The following TRIM46 variants were observed in gnomAD, a reference collection of about 807,000 sequenced individuals.
TRIM46 encodes tripartite motif containing 46.
Under a neutral mutation model 69.7 loss-of-function variants are expected in TRIM46, and 17 were observed. The ratio of observed to expected loss-of-function variants is 0.24; its 90% CI spans 0.17 to 0.37. TRIM46 has a LOEUF of 0.37. Ranked by LOEUF, TRIM46 falls within the 10% of genes least tolerant of loss-of-function variation. The pLI is 1.00. For missense variants in TRIM46, 675 were observed against 1,025.1 expected (o/e 0.66, Z 4.66); for synonymous variants, 391 against 429.0 (o/e 0.91, Z 1.09).
In TRIM46 at chr1:155,182,099, G is replaced by A. The variant is rs1264521007; in HGVS notation, c.1836G>A (p.Glu612=). The A allele has an allele frequency of 1.2e-6, 2 of 1,614,228 alleles. No homozygotes were observed. The highest frequency in any genetic ancestry group is 1.7e-6 in the Non-Finnish European group (2 of 1,180,040). Reference sequence around the variant, plus strand: ...TGGTCAAGGTGGGCGTCGGGCTGGAGAGCAAGCTTCAAGAAAGTTTCCAGG... The same window carrying A: ...TGGTCAAGGTGGGCGTCGGGCTGGAAAGCAAGCTTCAAGAAAGTTTCCAGG... The part of the protein sequence containing the change: ...SYLVKVGVGL[E]SKLQESFQGA... The change falls in exon 9 of 10, where the codon GAG becomes GAA. Residue 612 remains glutamate, a synonymous_variant. Transcript: ENST00000334634.
intron 7 of TRIM46, 27 bp downstream of exon 7, chr1:155,178,640 C>T (rs767193360): frequency 6.2e-7 from 1 of 1,608,898 alleles, no homozygotes; most frequent in Admixed American, 1.7e-5. Context: ...GCCCCATGCC[C>T]AACCAGAGCC....
At position 155,175,343 on chromosome 1, in the gene TRIM46, C is replaced by T. The variant is rs773964803; in HGVS notation, c.64-43C>T. ...CAGCCAAGGGGCTGCTGAGGTATGCCTAAGTGTCCAAGCGCTGACCTAGCC... is the reference window on the plus strand; with the variant it reads ...CAGCCAAGGGGCTGCTGAGGTATGCTTAAGTGTCCAAGCGCTGACCTAGCC... On this transcript the variant is annotated intron_variant, in intron 1 of 9. Transcript: ENST00000334634. The surrounding 1 kb of genome is among the most constrained non-coding windows in gnomAD (Gnocchi z 4.2). The T allele has an allele frequency of 1.4e-5, 23 of 1,609,200 alleles. No homozygotes were observed. In the African/African-American group the frequency reaches 2.8e-4, roughly 20 times the overall value.
At position 155,179,610 on chromosome 1, in the gene TRIM46, C is replaced by T. The variant is rs1665981843; in HGVS notation, c.1286-22C>T. ...AGGCCAGTGGCCAGGCCCTGACTGACACCCGCTGTCTCTTCCAACAGTGCC... is the reference window on the plus strand; with the variant it reads ...AGGCCAGTGGCCAGGCCCTGACTGATACCCGCTGTCTCTTCCAACAGTGCC... On this transcript the variant is annotated intron_variant, in intron 7 of 9. Transcript: ENST00000334634. 2.6e-6 allele frequency: 4 copies of T among 1,568,194 alleles called. No individual in the cohort carries two copies. In the African/African-American group the frequency reaches 4.0e-5, roughly 16 times the overall value.
At chr1:155,183,695 A>G (rs1358694198) in intron 9 of TRIM46, 102 bp from the exon 10 acceptor site, 8 of 1,482,536 alleles carry the variant, frequency 5.4e-6, no homozygotes, top group African/African-American at 1.4e-5. Context: ...CATCCCTTCA[A>G]CCTCTTGCTC....
intron 5 of TRIM46, among the ~76,000 whole-genome samples, chr1:155,177,525 ATAGCTCAAAAAACCCCACGCG>A (rs973808035): frequency 2.0e-5 from 3 of 151,444 alleles, no homozygotes; most frequent in African/African-American, 4.9e-5. Flanking sequence ...AACCCCATGC[ATAGCTCAAAAAACCCCACGCG>A]TAGCTCAGAT....
At chr1:155,178,739 T>TTGGGGCCCCCC in intron 7 of TRIM46, 126 bp downstream of exon 7, 32 of 1,348,408 alleles carry the variant, frequency 2.4e-5, no homozygotes, top group Non-Finnish European at 3.1e-5. Flanking sequence ...CAGCCATTCC[T>TTGGGGCCCCCC]CCCACCCAGC....
chr1:155,179,973 G>T (rs774415996), intron 8 of TRIM46, 39 bp downstream of exon 8: 1 of 1,539,130 alleles, frequency 6.5e-7, no homozygotes, highest in South Asian at 1.3e-5. Context: ...AAAGGGCATG[G>T]GGTATGCCAG....
Position 155,181,019 on chromosome 1 carries a change from G to A in TRIM46, c.1589-833G>A, listed in dbSNP as rs1211256741. Among the ~76,000 whole-genome samples the A allele has an allele frequency of 1.3e-5, 2 of 152,146 alleles. No individual in the cohort carries two copies. Among genetic ancestry groups the A allele is most frequent in the African/African-American group, 4.8e-5 (2 of 41,424 alleles). On this transcript the variant is annotated intron_variant, in intron 8 of 9. Transcript: ENST00000334634. This position sits in a 1 kb window ranked among gnomAD's most constrained non-coding sequence, Gnocchi z 4.3. ...GGAGGCCGAGGTGGATGGATCACGA[G>A]GTCAGGCGTTCAAGACCAGCCTGGC... is the stretch of plus-strand genomic sequence containing the variant.
At chr1:155,179,576 C>T in intron 7 of TRIM46, 56 bp from the exon 8 acceptor site, 1 of 1,517,372 alleles carries the variant, frequency 6.6e-7, no homozygotes, top group Non-Finnish European at 8.9e-7. Context: ...TGCCCCTGCC[C>T]TCCATGCCAG....
At position 155,183,940 on chromosome 1, in the gene TRIM46, A is replaced by T. The variant is rs755306526; in HGVS notation, c.2030A>T (p.Asp677Val). The T allele has an allele frequency of 1.7e-5, 27 of 1,613,754 alleles. No homozygotes were observed. Among genetic ancestry groups the T allele is most frequent in the Non-Finnish European group, 2.3e-5 (27 of 1,180,014 alleles). ...TCAAACGCAGGGCTGACAGGGAGGG[A>T]TGGCCCCACAGCCGGCTGCACAGTG... ...ASSNAGLTGR[D>V]GPTAGCTVPL... Residue 677 changes from aspartate (D) to valine (V), a missense_variant, in exon 10 of 10, where the codon GAT (aspartate) becomes GTT (valine). This residue lies in a region of TRIM46 where 108 missense variants were observed against 153.0 expected (regional missense o/e 0.71). Transcript: ENST00000334634.
At chr1:155,176,860 C>G in intron 3 of TRIM46, 72 bp from the exon 4 acceptor site, 2 of 1,564,412 alleles carry the variant, frequency 1.3e-6, no homozygotes, top group African/African-American at 2.7e-5. Flanking sequence ...GGGCACCAAA[C>G]TGCTGTAGTG....
chr1:155,180,856 G>GC (rs74914848), intron 8 of TRIM46, among the ~76,000 whole-genome samples: 1,819 of 152,300 alleles, frequency 0.012, 99 homozygotes, highest in Admixed American at 0.087. Flanking sequence ...GTTGCGGTGA[G>GC]CCGAGATCGC....
rs1665854152 is a variant in TRIM46, at chr1:155,178,351, C to T, written c.1163+96C>T. On this transcript the variant is annotated intron_variant, in intron 6 of 9. Coordinates refer to ENST00000334634, the MANE Select transcript of TRIM46 (RefSeq NM_025058.5). ...ACAGTACTGCCAGGTGGAGAACTGG[C>T]ATTCTAAGGATTCTCATGAGGCCAA... 1.9e-6 allele frequency: 3 copies of T among 1,558,524 alleles called. No homozygotes were observed. The East Asian group carries it at 6.8e-5, about 35-fold the overall frequency.
chr1:155,178,247 G>T lies in TRIM46; in HGVS notation c.1155G>T (p.Leu385=). 1 of 1,601,244 alleles carries T rather than the reference G, an allele frequency of 6.2e-7. No homozygotes were observed. Among genetic ancestry groups the T allele is most frequent in the African/African-American group, 1.3e-5 (1 of 74,790 alleles). ...GCTTTGTGCAAGCCGCCAAGCAGCT[G>T]CACAACAGGTACTCAGGGGCATGGG... The part of the protein sequence containing the change: ...QPCFVQAAKQ[L]HNRIARATEA... The change falls in exon 6 of 10, where the codon CTG becomes CTT. Residue 385 remains leucine, a synonymous_variant. Transcript: ENST00000334634.
rs1463733408 is a variant in TRIM46 at position 155,177,065 on chromosome 1, A to G, written c.803A>G (p.Gln268Arg). The G allele has an allele frequency of 1.9e-6, 3 of 1,612,802 alleles. No homozygotes were observed. The highest frequency in any genetic ancestry group is 2.5e-6 in the Non-Finnish European group (3 of 1,178,844). ...HKITPVLSAY[Q>R]ALKDKLTKSL... ...ATCACACCAGTGCTCAGTGCCTACC[A>G]GGCCCTCAAGGTAAGGACCCCCCTT... is the stretch of plus-strand genomic sequence containing the variant. Residue 268 changes from glutamine to arginine, a missense_variant, in exon 4 of 10, where the codon CAG (glutamine) becomes CGG (arginine). Coordinates refer to ENST00000334634, the MANE Select transcript of TRIM46 (RefSeq NM_025058.5).
intron 9 of TRIM46, among the ~76,000 whole-genome samples, chr1:155,183,394 A>T (rs1413732690): frequency 6.7e-6 from 1 of 149,396 alleles, no homozygotes; most frequent in African/African-American, 2.5e-5. Context: ...ATCCACCCTC[A>T]TCTCTCTCCC....
At chr1:155,178,646 G>C in intron 7 of TRIM46, 33 bp downstream of exon 7, 1 of 1,607,926 alleles carries the variant, frequency 6.2e-7, no homozygotes, top group Non-Finnish European at 8.5e-7. Flanking sequence ...TGCCCAACCA[G>C]AGCCTTCTTC....
rs201105101 is a variant in TRIM46 at position 155,178,043 on chromosome 1, G to T, written c.951G>T (p.Val317=). The change falls in exon 6 of 10, where the codon GTG becomes GTT. Residue 317 remains valine (V), a synonymous_variant. Transcript: ENST00000334634. ...CCAAGGAGGAGGTGTCGCAGCTGGT[G>T]CGGGGGCTGGGGGCTGTGCTGGAGG... The part of the protein sequence containing the change: ...QQAKEEVSQL[V]RGLGAVLEEK... 1 of 1,613,738 alleles carries T rather than the reference G, an allele frequency of 6.2e-7. No individual in the cohort carries two copies. Among genetic ancestry groups the T allele is most frequent in the South Asian group, 1.1e-5 (1 of 91,068 alleles).
At chr1:155,183,211 C>T (rs908547133) in intron 9 of TRIM46, among the ~76,000 whole-genome samples, 8 of 151,998 alleles carry the variant, frequency 5.3e-5, no homozygotes, top group African/African-American at 1.9e-4. Context: ...TGCCTGGCCC[C>T]AACTCCCTAT....
Sources: allele counts gnomAD v4.1 joint callset (sites outside exome capture counted in the v4.1 genomes callset), GRCh38; gene constraint gnomAD v4.1.1; regional missense constraint gnomAD v4.1.1; non-coding constraint Gnocchi (gnomAD v3.1); transcripts MANE v1.5; gene names NCBI Gene and HGNC (gene_info 2026-07-23, HGNC 2026-07-21).